Variants in PDE4D observed in about 807,000 individuals in gnomAD.
The protein encoded by PDE4D is phosphodiesterase 4D.
Under a neutral mutation model 87.4 loss-of-function variants are expected in PDE4D, and 24 were observed. That is an observed-to-expected ratio of 0.27 (90% CI 0.20 to 0.39). The LOEUF is 0.39. Among genes scored for constraint, PDE4D ranks in the 10% least tolerant of loss-of-function variants. PDE4D has a pLI of 1.00. For synonymous variants in PDE4D, 384 were observed against 383.2 expected, an observed-to-expected ratio of 1.00 and a Z score of -0.02; for missense variants, 714 against 1,041.0, an observed-to-expected ratio of 0.69 and a Z score of 4.32.
intron 1 of PDE4D, among the ~76,000 whole-genome samples, chr5:59,319,488 T>C (rs1389119113): frequency 2.0e-5 from 3 of 152,074 alleles, no homozygotes; most frequent in Non-Finnish European, 4.4e-5. Context: ...TCTGCAGACT[T>C]TGGCTCAGCT....
Position 59,762,269 on chromosome 5 carries a change from TGTATATGGGTACACATATGC to T in PDE4D, c.455+130879_455+130898del, listed in dbSNP as rs1318795516. Among the ~76,000 whole-genome samples, 127 of 46,682 alleles carry T rather than the reference TGTATATGGGTACACATATGC, an allele frequency of 2.7e-3. 2 individuals carry two copies. The highest frequency in any genetic ancestry group is 6.0e-3 in the Admixed American group (35 of 5,846). The allele number at this position is 46,682 out of a possible 152,430, so 30.6% of individuals were successfully genotyped here. ...ATATGGGTACACATATGCGTATATG[TGTATATGGGTACACATATGC>T]GTATATGGGTACACATATGCGTATA... On this transcript the variant is annotated intron_variant, in intron 1 of 14. Coordinates refer to ENST00000340635, the MANE Select transcript of PDE4D (RefSeq NM_001104631.2).
intron 1 of PDE4D, among the ~76,000 whole-genome samples, chr5:59,715,501 G>A (rs1008163797): frequency 2.6e-5 from 4 of 152,198 alleles, no homozygotes; most frequent in Admixed American, 6.5e-5. Context: ...GTTTCATACC[G>A]GGTATGGACA....
chr5:59,268,070 A>C (rs1763148839), intron 1 of PDE4D, among the ~76,000 whole-genome samples: 1 of 152,022 alleles, frequency 6.6e-6, no homozygotes, highest in South Asian at 2.1e-4. Flanking sequence ...TGGTCTCTGT[A>C]TAATCTCTTT....
At chr5:59,654,991 T>G (rs1372859259) in intron 1 of PDE4D, among the ~76,000 whole-genome samples, 3 of 152,200 alleles carry the variant, frequency 2.0e-5, no homozygotes, top group Non-Finnish European at 2.9e-5. Flanking sequence ...ACTTTTTGGC[T>G]ATTAAGAATA....
rs184570366 is a variant in PDE4D, at chr5:59,971,430, G to A, written c.272+17058C>T. On this transcript the variant is annotated intron_variant, in intron 3 of 16. Transcript: ENST00000502484. ...GGAAACAGAGAGGAAGAGACAGAGA[G>A]AGAAATTAAAACAAAATAGCACTTA... Among the ~76,000 whole-genome samples the A allele has an allele frequency of 7.2e-3, 1,096 of 152,076 alleles. 8 individuals are homozygous for A. The highest frequency in any genetic ancestry group is 0.012 in the Non-Finnish European group (846 of 67,968).
intron 1 of PDE4D, chr5:59,529,389 T>C (rs1813736945): frequency 4.0e-6 from 1 of 251,304 alleles, no homozygotes; most frequent in African/African-American, 2.3e-5. Context: ...GCAATGCTAC[T>C]TAGAAGTTTC....
chr5:59,466,212 T>C (rs1196169685), intron 1 of PDE4D, among the ~76,000 whole-genome samples: 2 of 152,192 alleles, frequency 1.3e-5, no homozygotes, highest in African/African-American at 2.4e-5. Flanking sequence ...AATTAGCGTG[T>C]GTACAATTAG....
intron 1 of PDE4D, among the ~76,000 whole-genome samples, chr5:59,336,077 G>C (rs762177652): frequency 6.6e-6 from 1 of 152,172 alleles, no homozygotes; most frequent in Non-Finnish European, 1.5e-5. Context: ...GGCACTTCAA[G>C]GTAATCAATT....
chr5:59,920,759 G>A (rs1479566361), intron 3 of PDE4D, among the ~76,000 whole-genome samples: 2 of 150,882 alleles, frequency 1.3e-5, no homozygotes, highest in Admixed American at 6.7e-5. Context: ...GTATAGCAAG[G>A]ACAGAAAACC....
chr5:59,785,783 T>A (rs1765106796), intron 1 of PDE4D, among the ~76,000 whole-genome samples: 1 of 152,242 alleles, frequency 6.6e-6, no homozygotes, highest in Admixed American at 6.5e-5. Context: ...CGAAGGATGG[T>A]ACCATGTTTT....
In PDE4D at chr5:59,128,303, GGGA is replaced by G. The variant is rs1273528509; in HGVS notation, c.808+52289_808+52291del. ...AATAAAGAAAAAGAAATAGGAGGTTGGGAGGAGAAGGAAAATAATCATAGCTGA... is the reference window on the plus strand; with the variant it reads ...AATAAAGAAAAAGAAATAGGAGGTTGGGAGAAGGAAAATAATCATAGCTGA... On this transcript the variant is annotated intron_variant, in intron 5 of 14. Transcript: ENST00000340635. Among the ~76,000 whole-genome samples, 21 of 152,036 alleles carry G rather than the reference GGGA, an allele frequency of 1.4e-4. No individual in the cohort carries two copies. The South Asian group carries it at 4.2e-3, about 30-fold the overall frequency.
intron 1 of PDE4D, among the ~76,000 whole-genome samples, chr5:60,311,215 T>C (rs1755006801): frequency 6.6e-6 from 1 of 152,044 alleles, no homozygotes; most frequent in Admixed American, 6.6e-5. Context: ...AGAGACGGGG[T>C]TTCTCCATGT....
At chr5:59,895,840 A>T (rs938015813), upstream of PDE4D, among the ~76,000 whole-genome samples, 4 of 152,244 alleles carry the variant, frequency 2.6e-5, no homozygotes, top group Admixed American at 2.6e-4. Flanking sequence ...GAATAATTCA[A>T]ATCCAACCTG....
chr5:60,394,444 T>C (rs1341341309), intron 1 of PDE4D, among the ~76,000 whole-genome samples: 1 of 152,248 alleles, frequency 6.6e-6, no homozygotes, highest in African/African-American at 2.4e-5. Flanking sequence ...TGTGTTTTTA[T>C]GAAGAACTTT....
rs1286827661 is a variant in PDE4D, at chr5:58,974,703, A to G, written c.2391T>C (p.Pro797=). The stretch of plus-strand genomic sequence containing the variant: ...AACGATCATCTATGACACAGGCTTC[A>G]GGCTGGCTTTCCTCTTCTTCCCCTA... ...EAVGEEEESQ[P]EACVIDDRSP... is the part of the protein sequence containing the mutation. Residue 797 remains proline, a synonymous_variant, in exon 15 of 15, where the codon CCT becomes CCC. Transcript: ENST00000340635. The G allele has an allele frequency of 5.6e-6, 9 of 1,609,604 alleles. No homozygotes were observed. The East Asian group carries it at 1.8e-4, about 32-fold the overall frequency.
At chr5:59,603,476 A>G (rs765851700) in intron 1 of PDE4D, among the ~76,000 whole-genome samples, 3 of 152,048 alleles carry the variant, frequency 2.0e-5, no homozygotes, top group Non-Finnish European at 4.4e-5. Flanking sequence ...AATGGCTATT[A>G]TCAGAAAGTC....
chr5:60,106,445 T>G (rs1039609317), intron 2 of PDE4D, among the ~76,000 whole-genome samples: 31 of 152,030 alleles, frequency 2.0e-4, no homozygotes, highest in Middle Eastern at 3.4e-3. Flanking sequence ...ATTAGACAGA[T>G]CAACGAGACA....
chr5:60,376,592 C>T (rs1444972703), intron 1 of PDE4D, among the ~76,000 whole-genome samples: 2 of 152,202 alleles, frequency 1.3e-5, no homozygotes, highest in East Asian at 3.8e-4. Context: ...GTAGCTCTTC[C>T]ATTCCCCTCC....
intron 2 of PDE4D, among the ~76,000 whole-genome samples, chr5:60,035,818 C>T (rs1010058997): frequency 2.0e-5 from 3 of 152,090 alleles, no homozygotes; most frequent in African/African-American, 7.2e-5. Context: ...AGATGTCATG[C>T]GGGCCCCTCC....
Sources: allele counts gnomAD v4.1 joint callset (sites outside exome capture counted in the v4.1 genomes callset), GRCh38; gene constraint gnomAD v4.1.1; transcripts MANE v1.5; gene names NCBI Gene and HGNC (gene_info 2026-07-23, HGNC 2026-07-21).